Variants in SAMD12 observed in about 807,000 individuals in gnomAD.
The protein encoded by SAMD12 is sterile alpha motif domain containing 12.
In SAMD12, 9 loss-of-function variants were observed where a neutral mutation model predicts 15.0. That is an observed-to-expected ratio of 0.60 (90% CI 0.36 to 1.05). The LOEUF (loss-of-function observed/expected upper bound fraction) is 1.05. SAMD12 is among the 50% of genes least tolerant of loss of function. The probability of loss-of-function intolerance (pLI) is 0.01; values close to 1 mark genes in which losing one functional copy is unlikely to be tolerated. For missense variants in SAMD12, 230 were observed against 234.2 expected, an observed-to-expected ratio of 0.98 and a Z score of 0.12; for synonymous variants, 86 against 90.1, an observed-to-expected ratio of 0.96 and a Z score of 0.25.
chr8:118,431,569 T>G (rs1173656815), intron 3 of SAMD12, among the ~76,000 whole-genome samples: 1 of 152,160 alleles, frequency 6.6e-6, no homozygotes, highest in Non-Finnish European at 1.5e-5. Context: ...ATTTTCTTCT[T>G]GCTTAAGAGG....
At chr8:118,167,061 T>G in the SAMD12 span, among the ~76,000 whole-genome samples, 2 of 152,144 alleles carry the variant, frequency 1.3e-5, no homozygotes, top group Non-Finnish European at 2.9e-5. Flanking sequence ...GGAGAGTGGG[T>G]ACTCTTCCCT....
At chr8:118,448,037 TC>T (rs1822971598) in intron 2 of SAMD12, among the ~76,000 whole-genome samples, 1 of 152,180 alleles carries the variant, frequency 6.6e-6, no homozygotes, top group African/African-American at 2.4e-5. Flanking sequence ...CTCTTTGATG[TC>T]ATCTTTATTA....
At chr8:118,220,267 C>G (rs1421471661) in intron 4 of SAMD12, among the ~76,000 whole-genome samples, 2 of 152,188 alleles carry the variant, frequency 1.3e-5, no homozygotes, top group African/African-American at 4.8e-5. Flanking sequence ...GTGTTCTCTA[C>G]AGCAATTCTG....
chr8:118,269,998 T>A (rs922434877), intron 4 of SAMD12, among the ~76,000 whole-genome samples: 2 of 152,184 alleles, frequency 1.3e-5, no homozygotes, highest in African/African-American at 4.8e-5. Flanking sequence ...ATTTAGTGTC[T>A]GCCACAATAA....
chr8:118,421,424 C>T (rs145553957), intron 3 of SAMD12, among the ~76,000 whole-genome samples: 8 of 152,252 alleles, frequency 5.3e-5, no homozygotes, highest in African/African-American at 1.9e-4. Context: ...TCTCATTGCT[C>T]TTGTTTAAGT....
At chr8:118,572,296 G>A (rs1827033489) in intron 2 of SAMD12, among the ~76,000 whole-genome samples, 1 of 152,208 alleles carries the variant, frequency 6.6e-6, no homozygotes, top group African/African-American at 2.4e-5. Context: ...AGACTCCATA[G>A]GTGGAAGAGA....
chr8:118,273,600 G>A (rs772358605), intron 4 of SAMD12, among the ~76,000 whole-genome samples: 13 of 152,150 alleles, frequency 8.5e-5, no homozygotes, highest in Non-Finnish European at 1.6e-4. Flanking sequence ...CTCAGAGTTC[G>A]GGAGACCCTC....
intron 2 of SAMD12, among the ~76,000 whole-genome samples, chr8:118,533,150 G>T (rs200499117): frequency 6.6e-6 from 1 of 151,992 alleles, no homozygotes. Flanking sequence ...CTTTGTTCTC[G>T]TTGGTTTCAA....
chr8:118,551,892 C>G (rs1197468264), intron 2 of SAMD12, among the ~76,000 whole-genome samples: 1 of 151,224 alleles, frequency 6.6e-6, no homozygotes. Flanking sequence ...GAGAATACTA[C>G]AAATACGTCT....
chr8:118,536,076 G>A (rs1012385974), intron 2 of SAMD12, among the ~76,000 whole-genome samples: 6 of 152,024 alleles, frequency 3.9e-5, no homozygotes, highest in East Asian at 1.9e-4. Flanking sequence ...GTTCCTATTC[G>A]GCCATCTTGG....
intron 1 of SAMD12, among the ~76,000 whole-genome samples, chr8:118,589,106 C>G (rs1827518352): frequency 1.3e-5 from 2 of 152,056 alleles, no homozygotes; most frequent in South Asian, 4.1e-4. Flanking sequence ...CTATTCCATG[C>G]AAGAAGAGAC....
intron 3 of SAMD12, among the ~76,000 whole-genome samples, chr8:118,389,530 C>T (rs910187281): frequency 3.3e-5 from 5 of 152,046 alleles, no homozygotes; most frequent in Non-Finnish European, 7.4e-5. Flanking sequence ...ATGGTGAAAC[C>T]CTGTCTCTAC....
intron 4 of SAMD12, among the ~76,000 whole-genome samples, chr8:118,286,484 T>C (rs1024388445): frequency 3.3e-5 from 5 of 152,194 alleles, no homozygotes; most frequent in Non-Finnish European, 1.5e-5. Flanking sequence ...CAACCTCTTT[T>C]TCTTTCCAGC....
intron 3 of SAMD12, among the ~76,000 whole-genome samples, chr8:118,391,210 C>T (rs954318621): frequency 6.6e-6 from 1 of 152,148 alleles, no homozygotes; most frequent in African/African-American, 2.4e-5. Flanking sequence ...TAATTACTTG[C>T]CTTGTACCTC....
chr8:118,186,566 T>C (rs1819246470), downstream of SAMD12, among the ~76,000 whole-genome samples: 1 of 151,884 alleles, frequency 6.6e-6, no homozygotes, highest in Non-Finnish European at 1.5e-5. Flanking sequence ...TTTTTTTTTT[T>C]TTTGAGTCAT....
At chr8:118,593,761 G>C (rs1429283230) in intron 1 of SAMD12, among the ~76,000 whole-genome samples, 3 of 152,144 alleles carry the variant, frequency 2.0e-5, no homozygotes, top group Non-Finnish European at 4.4e-5. Flanking sequence ...TTTGAGGTCA[G>C]AAATTACGTC....
intron 4 of SAMD12, among the ~76,000 whole-genome samples, chr8:118,313,213 G>A (rs975208301): frequency 6.6e-6 from 1 of 152,100 alleles, no homozygotes; most frequent in Non-Finnish European, 1.5e-5. Context: ...AAATCCATGT[G>A]GAATATAAGC....
chr8:118,238,663 G>T (rs1026309612), intron 4 of SAMD12, among the ~76,000 whole-genome samples: 3 of 151,804 alleles, frequency 2.0e-5, no homozygotes, highest in African/African-American at 4.8e-5. Context: ...CATCTACCAT[G>T]GAAAGGACAC....
intron 4 of SAMD12, among the ~76,000 whole-genome samples, chr8:118,330,641 A>T (rs1816765948): frequency 6.6e-6 from 1 of 152,270 alleles, no homozygotes; most frequent in African/African-American, 2.4e-5. Flanking sequence ...ACAGGTAATG[A>T]GGCAACAGAT....
Sources: gnomAD v4.1 joint callset for allele counts (sites outside exome capture counted in the v4.1 genomes callset) on GRCh38, gnomAD v4.1.1 for gene constraint, MANE v1.5 for transcripts, NCBI Gene and HGNC (gene_info 2026-07-23, HGNC 2026-07-21) for gene names.